The following HNMT variants were observed in gnomAD, a reference collection of about 807,000 sequenced individuals.
The protein encoded by HNMT is histamine N-methyltransferase.
In HNMT, 30 loss-of-function variants were observed where a neutral mutation model predicts 32.1. That is an observed-to-expected ratio of 0.93 (90% CI 0.70 to 1.27). The LOEUF (loss-of-function observed/expected upper bound fraction) is 1.27, where lower values mean the gene tolerates loss of function less well. Ranked by LOEUF, HNMT falls within the 50% of genes most tolerant of loss-of-function variation. The pLI is 0.00. For synonymous variants in HNMT, 125 were observed against 119.0 expected (o/e 1.05, Z -0.33); for missense variants, 327 against 346.0 (o/e 0.95, Z 0.43).
chr2:137,970,933 A>AAAAAGAAAGAAAGAAAGAAAG (rs1424481237), intron 2 of HNMT, among the ~76,000 whole-genome samples: 1 of 86,686 alleles, frequency 1.2e-5, no homozygotes, highest in African/African-American at 4.5e-5. Flanking sequence ...AAAAAAAAAA[A>AAAAAGAAAGAAAGAAAGAAAG]AAAGAAAGAA....
chr2:137,996,292 C>T (rs1680991599), intron 2 of HNMT, among the ~76,000 whole-genome samples: 1 of 152,180 alleles, frequency 6.6e-6, no homozygotes, highest in African/African-American at 2.4e-5. Context: ...AGCCTAAAAA[C>T]TTCTTAAACT....
intron 2 of HNMT, among the ~76,000 whole-genome samples, chr2:137,976,507 A>T (rs1206757269): frequency 6.6e-6 from 1 of 152,070 alleles, no homozygotes; most frequent in African/African-American, 2.4e-5. Flanking sequence ...TATTTTTCGG[A>T]GTAGTGTGGC....
chr2:137,998,612 C>T (rs573870018), intron 2 of HNMT, among the ~76,000 whole-genome samples: 82 of 152,252 alleles, frequency 5.4e-4, no homozygotes, highest in African/African-American at 1.8e-3. Context: ...GTTATGCAAA[C>T]CAATGGTTTC....
At chr2:137,966,999 C>T in intron 1 of HNMT, 1 of 743,390 alleles carries the variant, frequency 1.3e-6, no homozygotes, top group East Asian at 2.5e-5. Flanking sequence ...GTTTAAAAAT[C>T]CCTTGGTTCT....
At chr2:137,988,049 G>A (rs1024079825) in intron 2 of HNMT, among the ~76,000 whole-genome samples, 5 of 152,136 alleles carry the variant, frequency 3.3e-5, no homozygotes, top group East Asian at 1.9e-4. Context: ...AGGATGGTAC[G>A]TAAAGGAAAG....
intron 1 of HNMT, among the ~76,000 whole-genome samples, chr2:137,966,040 A>T (rs1679948159): frequency 6.6e-6 from 1 of 152,146 alleles, no homozygotes; most frequent in African/African-American, 2.4e-5. Flanking sequence ...TTTTTTCCTG[A>T]AGGTAATGTT....
intron 2 of HNMT, chr2:137,981,100 A>C (rs1442146474): frequency 4.5e-5 from 57 of 1,253,870 alleles, no homozygotes; most frequent in African/African-American, 9.0e-5. Flanking sequence ...AATAGAATTA[A>C]ATTTTTCCTG....
intron 5 of HNMT, among the ~76,000 whole-genome samples, chr2:138,009,309 G>A (rs1681424432): frequency 6.6e-6 from 1 of 152,004 alleles, no homozygotes; most frequent in African/African-American, 2.4e-5. Flanking sequence ...AGAATGTAAA[G>A]TAGTTCAACC....
chr2:138,011,458 T>C (rs1448958597), intron 5 of HNMT, among the ~76,000 whole-genome samples: 1 of 152,170 alleles, frequency 6.6e-6, no homozygotes, highest in Non-Finnish European at 1.5e-5. Context: ...TCTTCTGAAA[T>C]ATAAGTAGAA....
At position 138,016,042 on chromosome 2, in the gene HNMT, G is replaced by C. The variant is rs1681652102; in HGVS notation, c.*1912G>C. 6.6e-6 allele frequency: 1 copy of C among 152,176 alleles called. No individual in the cohort carries two copies. Among genetic ancestry groups the C allele is most frequent in the South Asian group, 2.1e-4 (1 of 4,818 alleles). 9.4% of individuals were successfully genotyped at this position (152,176 alleles called of 1,614,324 possible). ...GCAATGGGAAGTTGTATAAATTCAA[G>C]GGATAAACCTATCCCTGTTTTCTTC... is the stretch of plus-strand genomic sequence containing the variant. On this transcript the variant is annotated 3_prime_UTR_variant, in exon 6 of 6. Transcript: ENST00000280097.
intron 1 of HNMT, 90 bp downstream of exon 1, chr2:137,964,718 G>A: frequency 3.0e-6 from 4 of 1,337,078 alleles, no homozygotes; most frequent in South Asian, 1.2e-5. Flanking sequence ...TCGCAGGCTG[G>A]GCACAGGGAT....
At chr2:137,979,474 G>A (rs559026440) in intron 2 of HNMT, among the ~76,000 whole-genome samples, 10 of 151,814 alleles carry the variant, frequency 6.6e-5, no homozygotes, top group Non-Finnish European at 1.2e-4. Flanking sequence ...AGATGGTCTC[G>A]ATCTCCTGAC....
At chr2:137,968,952 T>C (rs761259758) in intron 1 of HNMT, among the ~76,000 whole-genome samples, 1 of 152,194 alleles carries the variant, frequency 6.6e-6, no homozygotes, top group Non-Finnish European at 1.5e-5. Flanking sequence ...CTTCTCTCTT[T>C]CACCCTGTTT....
Position 138,000,698 on chromosome 2 carries a change from G to A in HNMT, c.191-220G>A, listed in dbSNP as rs73961920. ...TATAGTGATAGATGTTAAAGATCAT[G>A]TAAACGAATGGATGGCACTCACAGC... On this transcript the variant is annotated intron_variant, in intron 2 of 5. Coordinates refer to ENST00000280097, the MANE Select transcript of HNMT (RefSeq NM_006895.3). Among the ~76,000 whole-genome samples, 1,517 of 152,156 alleles carry A rather than the reference G, an allele frequency of 1.0e-2. 29 individuals are homozygous for A. The highest frequency in any genetic ancestry group is 0.035 in the African/African-American group (1,464 of 41,526).
At chr2:137,981,356 G>C (rs752116260) in intron 2 of HNMT, 49 of 1,612,830 alleles carry the variant, frequency 3.0e-5, no homozygotes, top group Non-Finnish European at 3.8e-5. Context: ...TGCCCGTTTA[G>C]AAAGCAAATC....
Position 137,966,915 on chromosome 2 carries a change from G to A in HNMT, c.137+2287G>A, listed in dbSNP as rs186485844. On this transcript the variant is annotated intron_variant, in intron 1 of 5. Coordinates refer to ENST00000280097, the MANE Select transcript of HNMT (RefSeq NM_006895.3). ...ATGCCTTTCTTTTCTTTGTTTCCTC[G>A]GTCCTTTGTTTCCTGAACAATTCTT... Among the ~76,000 whole-genome samples the A allele has an allele frequency of 1.5e-3, 232 of 151,794 alleles. 1 individual carries two copies. Among genetic ancestry groups the A allele is most frequent in the South Asian group, 0.01 (50 of 4,806 alleles).
At chr2:137,995,690 G>A (rs376436732) in intron 2 of HNMT, among the ~76,000 whole-genome samples, 5 of 151,716 alleles carry the variant, frequency 3.3e-5, no homozygotes, top group African/African-American at 4.8e-5. Flanking sequence ...TCCTGATAAC[G>A]AAATCAAGAA....
At chr2:137,989,983 G>C (rs1680770210) in intron 2 of HNMT, among the ~76,000 whole-genome samples, 1 of 151,916 alleles carries the variant, frequency 6.6e-6, no homozygotes. Flanking sequence ...TGTATATTTT[G>C]GATAGTAATC....
chr2:137,987,679 C>A (rs778666180), intron 2 of HNMT, among the ~76,000 whole-genome samples: 1 of 149,466 alleles, frequency 6.7e-6, no homozygotes, highest in Non-Finnish European at 1.5e-5. Flanking sequence ...GGTATAGTAA[C>A]CCCTCATATG....
Sources: allele counts gnomAD v4.1 joint callset (sites outside exome capture counted in the v4.1 genomes callset), GRCh38; gene constraint gnomAD v4.1.1; transcripts MANE v1.5; gene names NCBI Gene and HGNC (gene_info 2026-07-23, HGNC 2026-07-21).